Variants in OSBPL9 observed in about 807,000 individuals in gnomAD.
The protein encoded by OSBPL9 is oxysterol-binding protein-related protein 9.
OSBPL9 carries 40 observed loss-of-function variants against 106.6 expected under a neutral mutation model. The observed-to-expected ratio is 0.38, with a 90% CI of 0.29 to 0.49. OSBPL9 has a LOEUF of 0.49. Ranked by LOEUF, OSBPL9 falls within the 20% of genes least tolerant of loss-of-function variation. The pLI is 0.97. For missense variants in OSBPL9, 609 were observed against 887.2 expected (o/e 0.69, Z 3.98); for synonymous variants, 269 against 295.4 (o/e 0.91, Z 0.92).
At chr1:51,544,387 G>T in the OSBPL9 span, among the ~76,000 whole-genome samples, 1 of 151,394 alleles carries the variant, frequency 6.6e-6, no homozygotes, top group Non-Finnish European at 1.5e-5. Context: ...ACCATTTTAC[G>T]ATCTCTTAGC....
the OSBPL9 span, among the ~76,000 whole-genome samples, chr1:51,545,206 C>G: frequency 6.6e-6 from 1 of 152,100 alleles, no homozygotes; most frequent in Non-Finnish European, 1.5e-5. Context: ...CAAATGTGAA[C>G]TGGGTTGCGA....
chr1:51,589,306 C>G (rs886738783), intron 1 of OSBPL9, among the ~76,000 whole-genome samples: 3 of 152,138 alleles, frequency 2.0e-5, no homozygotes, highest in Non-Finnish European at 4.4e-5. Context: ...CCAGGCTGAT[C>G]TTGAACTGCT....
chr1:51,750,339 A>T, intron 8 of OSBPL9, 144 bp downstream of exon 8: 1 of 541,246 alleles, frequency 1.8e-6, no homozygotes, highest in Non-Finnish European at 3.2e-6. Flanking sequence ...CTATGGAACA[A>T]CTGTTGTGTT....
At chr1:51,558,480 C>T in the OSBPL9 span, among the ~76,000 whole-genome samples, 2 of 151,956 alleles carry the variant, frequency 1.3e-5, no homozygotes, top group South Asian at 2.1e-4. Context: ...GGTATTTTTC[C>T]GACTCTGCAT....
At chr1:51,786,149 T>C in intron 21 of OSBPL9, 2 of 489,642 alleles carry the variant, frequency 4.1e-6, no homozygotes, top group Non-Finnish European at 7.2e-6. Flanking sequence ...GAATAATATA[T>C]GTAAAACAAT....
At chr1:51,572,037 C>T in the OSBPL9 span, among the ~76,000 whole-genome samples, 2 of 152,172 alleles carry the variant, frequency 1.3e-5, no homozygotes, top group African/African-American at 2.4e-5. Context: ...TGGGTCACAC[C>T]GTCTCCAATT....
chr1:51,536,824 G>A, the OSBPL9 span, among the ~76,000 whole-genome samples: 104 of 152,300 alleles, frequency 6.8e-4, no homozygotes, highest in South Asian at 2.9e-3. Context: ...CCTTCTCAGT[G>A]CATCATATGG....
chr1:51,697,640 A>G (rs570478709), intron 3 of OSBPL9, among the ~76,000 whole-genome samples: 1 of 151,750 alleles, frequency 6.6e-6, no homozygotes, highest in East Asian at 1.9e-4. Flanking sequence ...AAGTTGTCCT[A>G]AAAGCTACTT....
chr1:51,612,757 G>A (rs1643997144), upstream of OSBPL9, among the ~76,000 whole-genome samples: 2 of 152,326 alleles, frequency 1.3e-5, no homozygotes, highest in South Asian at 2.1e-4. Flanking sequence ...CCTGTGTCAT[G>A]TCCAAGACAT....
At chr1:51,547,009 T>C in the OSBPL9 span, among the ~76,000 whole-genome samples, 1 of 152,192 alleles carries the variant, frequency 6.6e-6, no homozygotes, top group Non-Finnish European at 1.5e-5. Context: ...TGCTTGATAA[T>C]GCCAGCTGGT....
intron 7 of OSBPL9, 52 bp from the exon 8 acceptor site, chr1:51,750,093 T>C (rs1668923789): frequency 7.8e-7 from 1 of 1,282,324 alleles, no homozygotes; most frequent in Admixed American, 1.9e-5. Context: ...TTTAACATTA[T>C]ATATCCATTT....
At chr1:51,769,003 G>T (rs542246990) in intron 12 of OSBPL9, among the ~76,000 whole-genome samples, 1 of 152,260 alleles carries the variant, frequency 6.6e-6, no homozygotes, top group African/African-American at 2.4e-5. Flanking sequence ...TGTTTTATTT[G>T]GGCAGCACAG....
At chr1:51,686,930 A>G (rs1199745773) in intron 3 of OSBPL9, among the ~76,000 whole-genome samples, 2 of 152,216 alleles carry the variant, frequency 1.3e-5, no homozygotes, top group African/African-American at 4.8e-5. Context: ...CTTTCCAAAG[A>G]AGACTGAATG....
At chr1:51,661,186 C>T (rs1216009642) in intron 2 of OSBPL9, among the ~76,000 whole-genome samples, 1 of 152,170 alleles carries the variant, frequency 6.6e-6, no homozygotes, top group Non-Finnish European at 1.5e-5. Flanking sequence ...ATTCTTAGCA[C>T]TGTCTACATT....
At chr1:51,782,461 G>A (rs1162655068) in intron 16 of OSBPL9, 98 bp from the exon 17 acceptor site, 2 of 847,004 alleles carry the variant, frequency 2.4e-6, no homozygotes, top group Non-Finnish European at 3.7e-6. Context: ...TAGGGTGCTT[G>A]GTGTGTGTAG....
At chr1:51,617,577 A>G (rs577495787) in intron 1 of OSBPL9, among the ~76,000 whole-genome samples, 1 of 152,058 alleles carries the variant, frequency 6.6e-6, no homozygotes, top group African/African-American at 2.4e-5. Context: ...TGCTGTCTTC[A>G]TATGTTGTCA....
the OSBPL9 span, among the ~76,000 whole-genome samples, chr1:51,537,498 C>A: frequency 6.6e-6 from 1 of 152,048 alleles, no homozygotes; most frequent in Admixed American, 6.6e-5. Flanking sequence ...TGCTTCTAGG[C>A]CATTTTAGTA....
chr1:51,530,184 A>AAAAAAAAAG, the OSBPL9 span, among the ~76,000 whole-genome samples: 4 of 103,410 alleles, frequency 3.9e-5, 1 homozygote, highest in Admixed American at 1.9e-4. Context: ...AAAAAAAAAA[A>AAAAAAAAAG]AAAAAAAACA....
intron 4 of OSBPL9, among the ~76,000 whole-genome samples, chr1:51,722,718 A>T (rs1557740874): frequency 6.6e-6 from 1 of 152,210 alleles, no homozygotes; most frequent in South Asian, 2.1e-4. Flanking sequence ...TTTTGGAGCA[A>T]TGGTGGCCTT....
Sources: allele counts gnomAD v4.1 joint callset (sites outside exome capture counted in the v4.1 genomes callset), GRCh38; gene constraint gnomAD v4.1.1; transcripts MANE v1.5; gene names NCBI Gene and HGNC (gene_info 2026-07-23, HGNC 2026-07-21).